The following PCDH7 variants were observed in gnomAD, a reference collection of about 807,000 sequenced individuals.
The protein encoded by PCDH7 is protocadherin 7.
In PCDH7, 17 loss-of-function variants were observed where a neutral mutation model predicts 58.9. That is an observed-to-expected ratio of 0.29 (90% CI 0.20 to 0.43). The LOEUF (loss-of-function observed/expected upper bound fraction) is 0.43. Ranked by LOEUF, PCDH7 falls within the 20% of genes least tolerant of loss-of-function variation. The pLI is 1.00. For synonymous variants in PCDH7, 664 were observed against 616.4 expected (o/e 1.08, Z -1.14); for missense variants, 1,274 against 1,441.0 (o/e 0.88, Z 1.88).
intron 3 of PCDH7, among the ~76,000 whole-genome samples, chr4:31,036,166 T>C (rs1348245370): frequency 6.6e-6 from 1 of 152,198 alleles, no homozygotes; most frequent in African/African-American, 2.4e-5. Flanking sequence ...TCACTGAACA[T>C]AGAAACTGAG....
At chr4:30,903,870 G>T (rs931964709) in intron 1 of PCDH7, among the ~76,000 whole-genome samples, 1 of 152,012 alleles carries the variant, frequency 6.6e-6, no homozygotes, top group Non-Finnish European at 1.5e-5. Flanking sequence ...GTATTAAAAG[G>T]ATACTACATG....
chr4:30,781,747 A>G (rs1722822464), intron 1 of PCDH7, among the ~76,000 whole-genome samples: 1 of 151,324 alleles, frequency 6.6e-6, no homozygotes, highest in Non-Finnish European at 1.5e-5. Context: ...TGTTGGGCAG[A>G]CTTGTCTTGA....
chr4:31,036,761 C>T (rs915665877), intron 3 of PCDH7, among the ~76,000 whole-genome samples: 6 of 151,976 alleles, frequency 3.9e-5, no homozygotes, highest in Admixed American at 3.3e-4. Flanking sequence ...TTCATTTTCA[C>T]GTAGCTAATA....
At chr4:30,774,737 G>A (rs1161570064) in intron 1 of PCDH7, among the ~76,000 whole-genome samples, 1 of 152,144 alleles carries the variant, frequency 6.6e-6, no homozygotes, top group Admixed American at 6.5e-5. Context: ...GAAGATTTCT[G>A]CTCTTATGTT....
At chr4:31,039,145 G>T (rs1247593311) in intron 3 of PCDH7, among the ~76,000 whole-genome samples, 5 of 152,032 alleles carry the variant, frequency 3.3e-5, no homozygotes, top group African/African-American at 1.2e-4. Flanking sequence ...GCTCAGTGTG[G>T]TTTAAAGCTC....
chr4:31,095,686 G>C (rs1245842702), intron 3 of PCDH7, among the ~76,000 whole-genome samples: 1 of 152,120 alleles, frequency 6.6e-6, no homozygotes, highest in Non-Finnish European at 1.5e-5. Context: ...CTTGGGAGTG[G>C]AGTATTTAAT....
intron 1 of PCDH7, among the ~76,000 whole-genome samples, chr4:30,789,986 C>T (rs1723908314): frequency 6.6e-6 from 1 of 152,104 alleles, no homozygotes; most frequent in African/African-American, 2.4e-5. Context: ...ATGAGAATCA[C>T]CAACTGAAAA....
intron 1 of PCDH7, among the ~76,000 whole-genome samples, chr4:30,746,331 C>T (rs1319063866): frequency 6.6e-6 from 1 of 152,114 alleles, no homozygotes; most frequent in Non-Finnish European, 1.5e-5. Context: ...AAACAAAAAT[C>T]CTAATTCAAT....
At chr4:30,922,882 T>G (rs986325854) in intron 2 of PCDH7, among the ~76,000 whole-genome samples, 1 of 152,106 alleles carries the variant, frequency 6.6e-6, no homozygotes, top group Admixed American at 6.6e-5. Context: ...ATTTGTTGGG[T>G]CCGTGTTTTC....
intron 3 of PCDH7, among the ~76,000 whole-genome samples, chr4:31,066,442 T>G (rs1360420351): frequency 6.6e-6 from 1 of 152,008 alleles, no homozygotes; most frequent in Non-Finnish European, 1.5e-5. Context: ...AGAAAATTCA[T>G]AGAATTCTAA....
In PCDH7 at chr4:31,024,322, A is replaced by T. The variant is rs550535709; in HGVS notation, c.*7+74107A>T. 8.9e-4 allele frequency among the ~76,000 whole-genome samples: 136 copies of T among 152,302 alleles called. 2 individuals carry two copies. Among genetic ancestry groups the T allele is most frequent in the African/African-American group, 3.2e-3 (133 of 41,568 alleles). ...AGTTCAGTTTTTATTCCTGTTAAAA[A>T]CTGAGATACTAATATCTGCTTAATA... is the stretch of plus-strand genomic sequence containing the variant. On this transcript the variant is annotated intron_variant, in intron 3 of 3. Coordinates refer to the PCDH7 transcript ENST00000509759.
At chr4:30,893,481 G>A (rs1738880611) in intron 1 of PCDH7, among the ~76,000 whole-genome samples, 1 of 152,020 alleles carries the variant, frequency 6.6e-6, no homozygotes, top group Non-Finnish European at 1.5e-5. Context: ...AACAATGTCT[G>A]TCTTCTTATT....
chr4:30,894,598 TA>T (rs1739158915), intron 1 of PCDH7, among the ~76,000 whole-genome samples: 1 of 62,792 alleles, frequency 1.6e-5, no homozygotes, highest in Non-Finnish European at 3.2e-5. Flanking sequence ...CACACACACA[TA>T]TATATATATA....
At chr4:30,950,898 G>A (rs1341228347) in intron 3 of PCDH7, among the ~76,000 whole-genome samples, 2 of 152,138 alleles carry the variant, frequency 1.3e-5, no homozygotes, top group African/African-American at 4.8e-5. Context: ...GGCCCTCAGG[G>A]CTCAAACTCC....
chr4:31,011,975 G>T (rs1453783081), intron 3 of PCDH7, among the ~76,000 whole-genome samples: 1 of 151,770 alleles, frequency 6.6e-6, no homozygotes, highest in Admixed American at 6.6e-5. Flanking sequence ...AATTATATAA[G>T]CATTTGCTAA....
chr4:30,860,088 A>G (rs1734006735), intron 1 of PCDH7, among the ~76,000 whole-genome samples: 1 of 152,196 alleles, frequency 6.6e-6, no homozygotes, highest in Non-Finnish European at 1.5e-5. Flanking sequence ...AAACACAAAC[A>G]TCAGTAAGGC....
chr4:30,802,100 A>T (rs978074194), intron 1 of PCDH7, among the ~76,000 whole-genome samples: 1 of 152,210 alleles, frequency 6.6e-6, no homozygotes, highest in African/African-American at 2.4e-5. Context: ...AAAGTGACTC[A>T]TGGATCTTCA....
chr4:31,074,942 T>C (rs559635124), intron 3 of PCDH7, among the ~76,000 whole-genome samples: 1 of 152,178 alleles, frequency 6.6e-6, no homozygotes, highest in South Asian at 2.1e-4. Flanking sequence ...CTTCTTCTCC[T>C]CCTACTCTAG....
chr4:30,925,155 T>C (rs1743690449), intron 2 of PCDH7, among the ~76,000 whole-genome samples: 1 of 152,206 alleles, frequency 6.6e-6, no homozygotes, highest in Non-Finnish European at 1.5e-5. Flanking sequence ...CATTATACCT[T>C]GTCCTTGATT....
Sources: allele counts gnomAD v4.1 joint callset (sites outside exome capture counted in the v4.1 genomes callset), GRCh38; gene constraint gnomAD v4.1.1; transcripts MANE v1.5; gene names NCBI Gene and HGNC (gene_info 2026-07-23, HGNC 2026-07-21).